Variants in GNB4 observed in about 807,000 individuals in gnomAD.
The protein encoded by GNB4 is guanine nucleotide-binding protein subunit beta-4.
GNB4 carries 28 observed loss-of-function variants against 45.2 expected under a neutral mutation model. That is an observed-to-expected ratio of 0.62 (90% CI 0.46 to 0.85). The LOEUF (loss-of-function observed/expected upper bound fraction) is 0.85, where lower values mean the gene tolerates loss of function less well. Ranked by LOEUF, GNB4 falls within the 40% of genes least tolerant of loss-of-function variation. The pLI, the probability that GNB4 is intolerant of heterozygous loss-of-function variation, is 0.00. For missense variants in GNB4, 321 were observed against 425.4 expected (o/e 0.75, Z 2.16); for synonymous variants, 132 against 143.7 (o/e 0.92, Z 0.58).
chr3:179,446,179 G>A (rs1012250387), intron 1 of GNB4, among the ~76,000 whole-genome samples: 19 of 152,098 alleles, frequency 1.2e-4, no homozygotes, highest in Non-Finnish European at 1.6e-4. Flanking sequence ...GAAATTCTCC[G>A]GTCCCTGTAC....
In GNB4 at chr3:179,420,888, C is replaced by T; in HGVS notation, c.96+1G>A. 3.2e-6 allele frequency: 5 copies of T among 1,581,098 alleles called. No individual in the cohort carries two copies. Among genetic ancestry groups the T allele is most frequent in the Non-Finnish European group, 4.3e-6 (5 of 1,155,284 alleles). Reference sequence around the variant, plus strand: ...TGAAATAAAGAAAAACAAAACTTTACCTGAACAAGCGTTGCATCATTACAT... The same window carrying T: ...TGAAATAAAGAAAAACAAAACTTTATCTGAACAAGCGTTGCATCATTACAT... On this transcript the variant is annotated splice_donor_variant, in intron 3 of 9. Transcript: ENST00000232564. LOFTEE classifies it high-confidence loss of function.
At chr3:179,417,667 A>G (rs931067152) in intron 4 of GNB4, among the ~76,000 whole-genome samples, 1 of 152,206 alleles carries the variant, frequency 6.6e-6, no homozygotes, top group Non-Finnish European at 1.5e-5. Flanking sequence ...GATTACAGGC[A>G]TGAGCCACCA....
the GNB4 span, among the ~76,000 whole-genome samples, chr3:179,505,210 A>T: frequency 2.0e-5 from 3 of 152,192 alleles, no homozygotes; most frequent in African/African-American, 7.2e-5. Flanking sequence ...ATGTAGAACA[A>T]GTAGAGGAAA....
chr3:179,451,818 A>G (rs1310481321), upstream of GNB4, among the ~76,000 whole-genome samples: 1 of 152,180 alleles, frequency 6.6e-6, no homozygotes, highest in African/African-American at 2.4e-5. Context: ...GACAGGCGCC[A>G]GTTTGCTTGT....
chr3:179,428,045 G>A (rs184990614), intron 1 of GNB4, among the ~76,000 whole-genome samples: 10 of 152,274 alleles, frequency 6.6e-5, no homozygotes, highest in Admixed American at 5.2e-4. Context: ...TGGTTTTGAT[G>A]TCTATGCTAC....
chr3:179,474,484 A>G, the GNB4 span, among the ~76,000 whole-genome samples: 4 of 152,210 alleles, frequency 2.6e-5, no homozygotes, highest in Non-Finnish European at 5.9e-5. Flanking sequence ...TTGGCCTCCC[A>G]AAGTGCTGGG....
At chr3:179,438,426 T>C (rs189083443) in intron 1 of GNB4, among the ~76,000 whole-genome samples, 15 of 152,330 alleles carry the variant, frequency 9.8e-5, no homozygotes, top group Admixed American at 7.8e-4. Context: ...GGGATTGTTT[T>C]GGGAATTAAA....
the GNB4 span, among the ~76,000 whole-genome samples, chr3:179,461,506 A>C: frequency 6.6e-6 from 1 of 152,208 alleles, no homozygotes; most frequent in Non-Finnish European, 1.5e-5. Context: ...CAAAAAAAAA[A>C]AAAAAAATGA....
the GNB4 span, among the ~76,000 whole-genome samples, chr3:179,494,786 T>C: frequency 4.0e-5 from 6 of 151,450 alleles, 1 homozygote; most frequent in Admixed American, 4.0e-4. Flanking sequence ...TGGGTGCCTG[T>C]AGTCCCAGCT....
chr3:179,477,702 T>G, the GNB4 span, among the ~76,000 whole-genome samples: 3 of 152,176 alleles, frequency 2.0e-5, no homozygotes, highest in Non-Finnish European at 2.9e-5. Context: ...CGAGACCCTA[T>G]CTCTATTTTT....
the GNB4 span, among the ~76,000 whole-genome samples, chr3:179,512,059 A>G: frequency 6.6e-6 from 1 of 152,380 alleles, no homozygotes; most frequent in South Asian, 2.1e-4. Flanking sequence ...CATGGCTGAT[A>G]GAATACATGT....
intron 2 of GNB4, among the ~76,000 whole-genome samples, chr3:179,424,627 ACAGGGTCTTGCTCTTTTGTC>A (rs956617868): frequency 2.0e-5 from 3 of 152,028 alleles, no homozygotes; most frequent in Admixed American, 6.5e-5. Context: ...ATTTTTGGAG[ACAGGGTCTTGCTCTTTTGTC>A]CAGTTAGAAT....
the GNB4 span, among the ~76,000 whole-genome samples, chr3:179,474,129 T>TAGTG: frequency 6.6e-6 from 1 of 152,188 alleles, no homozygotes; most frequent in Non-Finnish European, 1.5e-5. Flanking sequence ...ATTCAAGGCT[T>TAGTG]AGTGAGCTAT....
At chr3:179,514,553 G>A in the GNB4 span, among the ~76,000 whole-genome samples, 7 of 152,160 alleles carry the variant, frequency 4.6e-5, no homozygotes, top group African/African-American at 1.7e-4. Flanking sequence ...CAATGTACCC[G>A]TATTTGGAGA....
chr3:179,442,107 G>A (rs1371948995), intron 1 of GNB4, among the ~76,000 whole-genome samples: 4 of 152,076 alleles, frequency 2.6e-5, no homozygotes, highest in African/African-American at 9.7e-5. Context: ...AAGCCCGGCC[G>A]ACTGAAATAT....
chr3:179,490,655 G>T, the GNB4 span, among the ~76,000 whole-genome samples: 7 of 152,186 alleles, frequency 4.6e-5, no homozygotes, highest in African/African-American at 1.7e-4. Context: ...AAGAGAAAAA[G>T]AGTGTATCCC....
chr3:179,422,010 CATT>C (rs1283096845), intron 2 of GNB4, among the ~76,000 whole-genome samples: 1 of 152,130 alleles, frequency 6.6e-6, no homozygotes, highest in East Asian at 1.9e-4. Flanking sequence ...AATGAACCAT[CATT>C]GTTTAGACTA....
the GNB4 span, among the ~76,000 whole-genome samples, chr3:179,486,833 T>C: frequency 6.6e-6 from 1 of 152,248 alleles, no homozygotes; most frequent in African/African-American, 2.4e-5. Context: ...CAGCTTTAAA[T>C]CAATAATTAC....
the GNB4 span, among the ~76,000 whole-genome samples, chr3:179,507,945 T>G: frequency 1.3e-5 from 2 of 152,200 alleles, no homozygotes; most frequent in Non-Finnish European, 2.9e-5. Flanking sequence ...TGGTGATTGA[T>G]AGACTGTGAG....
Sources: allele counts gnomAD v4.1 joint callset (sites outside exome capture counted in the v4.1 genomes callset), GRCh38; gene constraint gnomAD v4.1.1; transcripts MANE v1.5; gene names NCBI Gene and HGNC (gene_info 2026-07-23, HGNC 2026-07-21).